PHLPP2: variants seen among roughly 807,000 people sequenced by gnomAD.
PHLPP2 encodes the protein PH domain and leucine rich repeat protein phosphatase 2.
Under a neutral mutation model 124.9 loss-of-function variants are expected in PHLPP2, and 66 were observed. That is an observed-to-expected ratio of 0.53 (90% CI 0.43 to 0.65). The LOEUF (loss-of-function observed/expected upper bound fraction) is 0.65. PHLPP2 is among the 30% of genes least tolerant of loss of function. The probability of loss-of-function intolerance (pLI) is 0.00; values close to 1 mark genes in which losing one functional copy is unlikely to be tolerated. For missense variants in PHLPP2, 1,685 were observed against 1,600.4 expected, an observed-to-expected ratio of 1.05 and a Z score of -0.90; for synonymous variants, 681 against 624.7, an observed-to-expected ratio of 1.09 and a Z score of -1.34.
chr16:71,699,769 A>G (rs1233446196), intron 3 of PHLPP2, among the ~76,000 whole-genome samples: 1 of 152,154 alleles, frequency 6.6e-6, no homozygotes, highest in Non-Finnish European at 1.5e-5. Context: ...GAGGTAAGAG[A>G]GCATTATAAC....
At chr16:71,659,246 G>T (rs1163730741) in intron 13 of PHLPP2, among the ~76,000 whole-genome samples, 1 of 115,678 alleles carries the variant, frequency 8.6e-6, no homozygotes, top group African/African-American at 3.2e-5. Flanking sequence ...TCATCACAAA[G>T]ATTTTTTTTT....
intron 3 of PHLPP2, chr16:71,698,618 C>A (rs923742478): frequency 5.0e-6 from 3 of 604,734 alleles, no homozygotes; most frequent in South Asian, 1.4e-5. Context: ...AGGCTGAGTA[C>A]GCTACCAAGG....
At position 71,702,653 on chromosome 16, in the gene PHLPP2, G is replaced by T; in HGVS notation, c.363C>A (p.Arg121=). Residue 121 remains arginine, a synonymous_variant, in exon 3 of 19, where the codon CGC becomes CGA. Transcript: ENST00000568954. ...LSRLGFDDPV[R]IQEEATNPDL... ...CAGGATTTGTAGCCTCCTCCTGTAT[G>T]CGCACAGGATCATCAAATCCCAGCC... The T allele has an allele frequency of 6.2e-7, 1 of 1,610,840 alleles. No homozygotes were observed. The highest frequency in any genetic ancestry group is 1.1e-5 in the South Asian group (1 of 90,916).
At chr16:71,653,142 CT>C in intron 17 of PHLPP2, 121 bp from the exon 18 acceptor site, 1 of 640,040 alleles carries the variant, frequency 1.6e-6, no homozygotes, top group South Asian at 2.0e-5. Flanking sequence ...GTGAACCAGC[CT>C]TACCCTTATC....
Position 71,659,409 on chromosome 16 carries a change from G to A in PHLPP2, c.1986-594C>T, listed in dbSNP as rs372140445. On this transcript the variant is annotated intron_variant, in intron 13 of 18. Transcript: ENST00000568954. Reference sequence around the variant, plus strand: ...TGGGATTACAGGCATGCGCCACCACGCCCGGCTAATTGTGTATTTTTAGTA... The same window carrying A: ...TGGGATTACAGGCATGCGCCACCACACCCGGCTAATTGTGTATTTTTAGTA... Among the ~76,000 whole-genome samples the A allele has an allele frequency of 2.0e-4, 31 of 151,946 alleles. No homozygotes were observed. In the East Asian group the frequency reaches 3.5e-3, roughly 17 times the overall value.
At chr16:71,678,491 T>A in intron 8 of PHLPP2, 1 of 362,572 alleles carries the variant, frequency 2.8e-6, no homozygotes, top group Non-Finnish European at 5.0e-6. Context: ...TAGAAAAAAA[T>A]TAGCCAGGCC....
chr16:71,723,775 G>T (rs1406657355), intron 1 of PHLPP2: 2 of 1,334,512 alleles, frequency 1.5e-6, no homozygotes, highest in African/African-American at 1.5e-5. Flanking sequence ...TCACCTTCAG[G>T]ACCCGGATCC....
rs761910440 is a variant in PHLPP2 at position 71,649,565 on chromosome 16, A to G, written c.3297T>C (p.Asp1099=). 1.9e-6 allele frequency: 3 copies of G among 1,613,842 alleles called. No homozygotes were observed. The highest frequency in any genetic ancestry group is 3.3e-5 in the Admixed American group (2 of 60,010). Residue 1099 remains aspartate (D), a synonymous_variant, in exon 19 of 19, where the codon GAT becomes GAC. Transcript: ENST00000568954. ...TGTCCAGGCCCCCAGCATTATGCTCATCAGAAGCAGTGGACCCCACTTCAC... is the reference window on the plus strand; with the variant it reads ...TGTCCAGGCCCCCAGCATTATGCTCGTCAGAAGCAGTGGACCCCACTTCAC... The part of the protein sequence containing the change: ...VSSEVGSTAS[D]EHNAGGLDTA...
chr16:71,689,992 T>A (rs1205331365), intron 4 of PHLPP2, among the ~76,000 whole-genome samples: 1 of 152,162 alleles, frequency 6.6e-6, no homozygotes, highest in South Asian at 2.1e-4. Flanking sequence ...ATAGATAGCT[T>A]CCTAAAAATA....
At chr16:71,654,211 A>G (rs953981008) in intron 17 of PHLPP2, among the ~76,000 whole-genome samples, 13 of 148,812 alleles carry the variant, frequency 8.7e-5, no homozygotes, top group Non-Finnish European at 1.5e-4. Context: ...AAAGAAAAAA[A>G]AAAAAAAAAA....
intron 8 of PHLPP2, 53 bp downstream of exon 8, chr16:71,678,700 CAT>C: frequency 1.1e-6 from 1 of 911,518 alleles, no homozygotes; most frequent in Non-Finnish European, 1.8e-6. Context: ...AAACAGAAGA[CAT>C]AAAGGTCCAC....
intron 9 of PHLPP2, among the ~76,000 whole-genome samples, chr16:71,674,645 G>A (rs1255893093): frequency 2.6e-5 from 4 of 152,084 alleles, no homozygotes. Context: ...TTTCACTGCT[G>A]TGCAATATTC....
chr16:71,669,571 T>A (rs1245510860), intron 10 of PHLPP2, among the ~76,000 whole-genome samples: 2 of 152,194 alleles, frequency 1.3e-5, no homozygotes, highest in Non-Finnish European at 2.9e-5. Flanking sequence ...GAGAGACAAG[T>A]ACCTGAAAAT....
intron 8 of PHLPP2, chr16:71,678,478 AAGT>A (rs2044967615): frequency 8.7e-6 from 3 of 345,994 alleles, no homozygotes; most frequent in Non-Finnish European, 1.6e-5. Context: ...TCTCTACTAA[AAGT>A]AGAAAAAAAT....
In PHLPP2 at chr16:71,658,357, C is replaced by T. The variant is rs1188703825; in HGVS notation, c.2155G>A (p.Asp719Asn). The T allele has an allele frequency of 1.9e-6, 3 of 1,611,908 alleles. No homozygotes were observed. The South Asian group carries it at 3.3e-5, about 18-fold the overall frequency. ...ILQLPQIQFV[D>N]LSCNDLTEIL... ...TCTGTCAAGTCGTTGCAACTTAGGT[C>T]TACAAACTAAGAAAAAATTGAGAAA... Residue 719 changes from aspartate to asparagine, a missense_variant, in exon 15 of 19, where the codon GAC becomes AAC. Transcript: ENST00000568954.
intron 18 of PHLPP2, among the ~76,000 whole-genome samples, chr16:71,650,389 G>A (rs970819844): frequency 6.6e-6 from 1 of 152,242 alleles, no homozygotes; most frequent in Non-Finnish European, 1.5e-5. Context: ...TCTATCACTA[G>A]TACTCTCAGA....
chr16:71,718,040 T>C (rs1362876885), intron 1 of PHLPP2, among the ~76,000 whole-genome samples: 1 of 152,222 alleles, frequency 6.6e-6, no homozygotes. Flanking sequence ...TACATGCACA[T>C]GCCACCACAC....
chr16:71,669,952 G>A (rs1488169554), intron 10 of PHLPP2, among the ~76,000 whole-genome samples: 1 of 152,164 alleles, frequency 6.6e-6, no homozygotes, highest in Non-Finnish European at 1.5e-5. Context: ...GGTTTATCAA[G>A]CGATATAATG....
At chr16:71,656,430 G>C (rs2044742360) in intron 16 of PHLPP2, 141 bp downstream of exon 16, 1 of 575,552 alleles carries the variant, frequency 1.7e-6, no homozygotes, top group East Asian at 2.9e-5. Flanking sequence ...ATCCCAAAGG[G>C]ATCTTATCTG....
Sources: gnomAD v4.1 joint callset for allele counts (sites outside exome capture counted in the v4.1 genomes callset) on GRCh38, gnomAD v4.1.1 for gene constraint, MANE v1.5 for transcripts, NCBI Gene and HGNC (gene_info 2026-07-23, HGNC 2026-07-21) for gene names.